The following EXOC4 variants were observed in gnomAD, a reference collection of about 807,000 sequenced individuals.
EXOC4 encodes SEC8-like 1.
EXOC4 carries 71 observed loss-of-function variants against 107.2 expected under a neutral mutation model. The ratio of observed to expected loss-of-function variants is 0.66; its 90% CI spans 0.55 to 0.81. The LOEUF (loss-of-function observed/expected upper bound fraction) is 0.81. Ranked by LOEUF, EXOC4 falls within the 30% of genes least tolerant of loss-of-function variation. EXOC4 has a pLI of 0.00. For missense variants in EXOC4, 1,108 were observed against 1,189.6 expected (o/e 0.93, Z 1.01); for synonymous variants, 456 against 441.2 (o/e 1.03, Z -0.42).
chr7:134,044,068 T>C (rs999767547), intron 17 of EXOC4, among the ~76,000 whole-genome samples: 1 of 152,206 alleles, frequency 6.6e-6, no homozygotes, highest in African/African-American at 2.4e-5. Flanking sequence ...TTCTGACTCA[T>C]GGATAATCTC....
At chr7:133,628,199 A>G (rs774606205) in intron 9 of EXOC4, among the ~76,000 whole-genome samples, 1 of 152,192 alleles carries the variant, frequency 6.6e-6, no homozygotes, top group South Asian at 2.1e-4. Flanking sequence ...ATTAAGGTAG[A>G]TAGTTAGTGA....
intron 4 of EXOC4, among the ~76,000 whole-genome samples, chr7:133,307,508 T>C (rs991579689): frequency 1.3e-5 from 2 of 152,182 alleles, no homozygotes; most frequent in African/African-American, 4.8e-5. Flanking sequence ...TGAGCATTAT[T>C]TGAGGTCTCA....
At chr7:133,866,908 A>G (rs1412733786) in intron 11 of EXOC4, among the ~76,000 whole-genome samples, 1 of 152,232 alleles carries the variant, frequency 6.6e-6, no homozygotes, top group Non-Finnish European at 1.5e-5. Context: ...TCCTGAAGAG[A>G]GAAATGCGCA....
intron 4 of EXOC4, among the ~76,000 whole-genome samples, chr7:133,309,755 C>T (rs1300032345): frequency 1.3e-5 from 2 of 152,124 alleles, no homozygotes; most frequent in African/African-American, 2.4e-5. Flanking sequence ...GCCTGGTCAA[C>T]GTGGTAAAAC....
intron 17 of EXOC4, among the ~76,000 whole-genome samples, chr7:134,054,781 C>T (rs1480199651): frequency 1.3e-5 from 2 of 152,214 alleles, no homozygotes. Flanking sequence ...TACGTATCAG[C>T]CACAGTAGTC....
chr7:133,912,512 A>G (rs1799718246), intron 12 of EXOC4, among the ~76,000 whole-genome samples: 2 of 152,222 alleles, frequency 1.3e-5, no homozygotes, highest in African/African-American at 4.8e-5. Flanking sequence ...TTAAATACCA[A>G]ATGACTTGAC....
At chr7:133,787,872 A>T (rs1168250789) in intron 10 of EXOC4, among the ~76,000 whole-genome samples, 1 of 148,428 alleles carries the variant, frequency 6.7e-6, no homozygotes, top group East Asian at 2.0e-4. Flanking sequence ...GACCCAGTTC[A>T]ATCCATAGCA....
intron 9 of EXOC4, among the ~76,000 whole-genome samples, chr7:133,528,937 A>G (rs761776381): frequency 6.6e-5 from 10 of 152,152 alleles, no homozygotes; most frequent in Admixed American, 1.3e-4. Context: ...GGAGTTTTGT[A>G]TATGGATACC....
Position 133,704,200 on chromosome 7 carries a change from G to A in EXOC4, c.1514+74059G>A, listed in dbSNP as rs140000018. Reference sequence around the variant, plus strand: ...CCTCCTGCAATTAGGTGATCCTCCCGTCTTCTCCCAAAGTGCTGGAATTAC... The same window carrying A: ...CCTCCTGCAATTAGGTGATCCTCCCATCTTCTCCCAAAGTGCTGGAATTAC... On this transcript the variant is annotated intron_variant, in intron 10 of 17. Transcript: ENST00000253861. Among the ~76,000 whole-genome samples the A allele has an allele frequency of 6.9e-3, 1,043 of 152,240 alleles. 8 individuals are homozygous for A. Among genetic ancestry groups the A allele is most frequent in the Non-Finnish European group, 0.01 (713 of 68,012 alleles).
chr7:133,598,240 T>TGGCC (rs1339988232), intron 9 of EXOC4, among the ~76,000 whole-genome samples: 1 of 152,190 alleles, frequency 6.6e-6, no homozygotes, highest in Non-Finnish European at 1.5e-5. Context: ...GAATAATTAT[T>TGGCC]GGCCACAGCT....
chr7:133,341,480 G>A (rs1045681080), intron 5 of EXOC4, among the ~76,000 whole-genome samples: 1 of 152,132 alleles, frequency 6.6e-6, no homozygotes, highest in Non-Finnish European at 1.5e-5. Flanking sequence ...AATTTTCCAC[G>A]TACCAGTGAA....
intron 3 of EXOC4, among the ~76,000 whole-genome samples, chr7:133,303,298 G>A (rs1030926191): frequency 6.6e-6 from 1 of 152,154 alleles, no homozygotes; most frequent in Admixed American, 6.5e-5. Flanking sequence ...GCTGGGCATG[G>A]GGGCAGGCAT....
chr7:133,622,596 C>T (rs947141121), intron 9 of EXOC4, among the ~76,000 whole-genome samples: 2 of 152,076 alleles, frequency 1.3e-5, no homozygotes, highest in African/African-American at 4.8e-5. Flanking sequence ...CCAAACGTTG[C>T]ATACATGATC....
At chr7:133,780,210 T>G (rs1796434548) in intron 10 of EXOC4, among the ~76,000 whole-genome samples, 1 of 151,918 alleles carries the variant, frequency 6.6e-6, no homozygotes, top group Non-Finnish European at 1.5e-5. Context: ...CTAAATGCTT[T>G]AGTAAGCATA....
chr7:134,000,347 T>C (rs896990286), intron 15 of EXOC4, among the ~76,000 whole-genome samples: 3 of 152,172 alleles, frequency 2.0e-5, no homozygotes, highest in African/African-American at 7.2e-5. Flanking sequence ...AACGCTAGAA[T>C]AGAGGTGTCT....
intron 7 of EXOC4, among the ~76,000 whole-genome samples, chr7:133,460,978 G>A (rs1563074592): frequency 1.3e-5 from 2 of 152,118 alleles, no homozygotes; most frequent in East Asian, 3.8e-4. Flanking sequence ...TAATTGCCAA[G>A]TCCAAATAAT....
intron 10 of EXOC4, among the ~76,000 whole-genome samples, chr7:133,752,150 G>A (rs922785406): frequency 6.6e-6 from 1 of 152,142 alleles, no homozygotes; most frequent in African/African-American, 2.4e-5. Flanking sequence ...AACAGAGTGA[G>A]ACCCTTTCTC....
intron 15 of EXOC4, among the ~76,000 whole-genome samples, chr7:133,999,544 T>C (rs1038062470): frequency 8.1e-4 from 124 of 152,358 alleles, no homozygotes; most frequent in African/African-American, 2.9e-3. Flanking sequence ...ATAATTTTCA[T>C]ATTTGGTATC....
At chr7:133,489,174 C>T (rs138839201) in intron 9 of EXOC4, among the ~76,000 whole-genome samples, 2 of 152,004 alleles carry the variant, frequency 1.3e-5, no homozygotes, top group Admixed American at 6.6e-5. Context: ...GAAAACATCA[C>T]CTCTGGAGAG....
Sources: gnomAD v4.1 joint callset for allele counts (sites outside exome capture counted in the v4.1 genomes callset) on GRCh38, gnomAD v4.1.1 for gene constraint, MANE v1.5 for transcripts, NCBI Gene and HGNC (gene_info 2026-07-23, HGNC 2026-07-21) for gene names.